The following AGMO variants were observed in gnomAD, a reference collection of about 807,000 sequenced individuals.
The protein encoded by AGMO is glyceryl-ether monooxygenase.
AGMO carries 75 observed loss-of-function variants against 60.2 expected under a neutral mutation model. The observed-to-expected ratio is 1.25, with a 90% CI of 1.03 to 1.51. AGMO has a LOEUF of 1.51. Among genes scored for constraint, AGMO ranks in the 40% most tolerant of loss-of-function variants. The probability of loss-of-function intolerance (pLI) is 0.00; values close to 1 mark genes in which losing one functional copy is unlikely to be tolerated. For missense variants in AGMO, 763 were observed against 525.5 expected, an observed-to-expected ratio of 1.45 and a Z score of -4.42; for synonymous variants, 261 against 177.1, an observed-to-expected ratio of 1.47 and a Z score of -3.76.
intron 12 of AGMO, among the ~76,000 whole-genome samples, chr7:15,350,714 C>A (rs1395263307): frequency 1.3e-5 from 2 of 152,142 alleles, no homozygotes; most frequent in African/African-American, 4.8e-5. Context: ...AAGGAATGAA[C>A]AAATTAGTCA....
the AGMO span, among the ~76,000 whole-genome samples, chr7:15,158,980 T>C: frequency 6.6e-6 from 1 of 152,006 alleles, no homozygotes; most frequent in East Asian, 1.9e-4. Flanking sequence ...GGGTGAGGGG[T>C]AGATAAAACT....
intron 5 of AGMO, among the ~76,000 whole-genome samples, chr7:15,411,990 T>A (rs1199751132): frequency 6.6e-6 from 1 of 152,144 alleles, no homozygotes; most frequent in Non-Finnish European, 1.5e-5. Context: ...ATTATCTGTG[T>A]CCTCAGAAGT....
At chr7:15,195,732 G>T (rs1781101442), downstream of AGMO, among the ~76,000 whole-genome samples, 2 of 152,104 alleles carry the variant, frequency 1.3e-5, no homozygotes, top group South Asian at 4.1e-4. Flanking sequence ...TGTTAGAAAA[G>T]AAAATGATTT....
intron 12 of AGMO, among the ~76,000 whole-genome samples, chr7:15,217,077 G>A (rs954749990): frequency 1.3e-5 from 2 of 152,022 alleles, no homozygotes; most frequent in Non-Finnish European, 2.9e-5. Context: ...TATGGAAAAC[G>A]AGAAGGTGAG....
intron 12 of AGMO, among the ~76,000 whole-genome samples, chr7:15,202,271 CA>C (rs1781310244): frequency 6.6e-6 from 1 of 151,688 alleles, no homozygotes; most frequent in Non-Finnish European, 1.5e-5. Context: ...CTGAAATATA[CA>C]AAGAGAGAAC....
At chr7:15,340,832 C>T (rs967390394) in intron 12 of AGMO, among the ~76,000 whole-genome samples, 1 of 150,510 alleles carries the variant, frequency 6.6e-6, no homozygotes, top group Non-Finnish European at 1.5e-5. Context: ...TGCCCCCACA[C>T]AGAGTCCCCA....
chr7:15,233,250 TTAAAATCTG>T (rs1782311000), intron 12 of AGMO, among the ~76,000 whole-genome samples: 1 of 152,202 alleles, frequency 6.6e-6, no homozygotes, highest in African/African-American at 2.4e-5. Flanking sequence ...GAAAAGCATG[TTAAAATCTG>T]TAAGGTATCG....
intron 12 of AGMO, among the ~76,000 whole-genome samples, chr7:15,244,697 G>A (rs1196851711): frequency 6.6e-6 from 1 of 152,056 alleles, no homozygotes; most frequent in Non-Finnish European, 1.5e-5. Context: ...TGTCGCCCAG[G>A]CTGGAGTGCA....
rs548557700 is a variant in AGMO, at chr7:15,486,545, G to A, written c.410-55437C>T. ...TCCACAGCTTAGATTTTGTAAAAAA[G>A]AAAATTTAAATGTAAGCAAACTGAC... On this transcript the variant is annotated intron_variant, in intron 3 of 12. Coordinates refer to ENST00000342526, the MANE Select transcript of AGMO (RefSeq NM_001004320.2). Among the ~76,000 whole-genome samples, 360 of 152,002 alleles carry A rather than the reference G, an allele frequency of 2.4e-3. 2 individuals carry two copies. The highest frequency in any genetic ancestry group is 8.0e-3 in the African/African-American group (333 of 41,460).
chr7:15,223,631 A>T (rs995514253), intron 12 of AGMO, among the ~76,000 whole-genome samples: 1 of 151,980 alleles, frequency 6.6e-6, no homozygotes, highest in Non-Finnish European at 1.5e-5. Flanking sequence ...TATAAGAATT[A>T]TTGGAGTTAT....
the AGMO span, among the ~76,000 whole-genome samples, chr7:15,176,338 A>C: frequency 6.6e-6 from 1 of 151,846 alleles, no homozygotes; most frequent in Non-Finnish European, 1.5e-5. Context: ...CCGATCTACA[A>C]CTGACTCAGT....
chr7:15,386,334 A>G (rs1317134108), intron 9 of AGMO, among the ~76,000 whole-genome samples: 1 of 152,196 alleles, frequency 6.6e-6, no homozygotes, highest in East Asian at 1.9e-4. Context: ...TCTAGCATTT[A>G]AGTTTCCCCA....
At chr7:15,228,724 T>C (rs893138967) in intron 12 of AGMO, among the ~76,000 whole-genome samples, 1 of 152,180 alleles carries the variant, frequency 6.6e-6, no homozygotes, top group Admixed American at 6.6e-5. Context: ...ATAGTAGTTA[T>C]CTGCCAAAGC....
At chr7:15,234,452 A>G (rs978503359) in intron 12 of AGMO, among the ~76,000 whole-genome samples, 4 of 152,326 alleles carry the variant, frequency 2.6e-5, no homozygotes, top group South Asian at 2.1e-4. Context: ...CTACATGCAA[A>G]CTAGTTTCAA....
intron 4 of AGMO, among the ~76,000 whole-genome samples, chr7:15,429,695 A>G (rs1266797833): frequency 2.0e-5 from 3 of 152,000 alleles, no homozygotes; most frequent in South Asian, 2.1e-4. Flanking sequence ...CAGGAAATGT[A>G]TTAGTAACAT....
intron 3 of AGMO, among the ~76,000 whole-genome samples, chr7:15,462,827 G>A (rs1562519917): frequency 6.6e-6 from 1 of 152,108 alleles, no homozygotes; most frequent in Non-Finnish European, 1.5e-5. Context: ...AAAGAAAAAT[G>A]AGTCAGTGAA....
chr7:15,352,688 T>C (rs1013914558), intron 12 of AGMO, among the ~76,000 whole-genome samples: 2 of 151,856 alleles, frequency 1.3e-5, no homozygotes, highest in Non-Finnish European at 2.9e-5. Flanking sequence ...AATGAGTCCC[T>C]GTCATGTACT....
chr7:15,523,064 T>C (rs759728371), intron 3 of AGMO, among the ~76,000 whole-genome samples: 6 of 152,186 alleles, frequency 3.9e-5, no homozygotes, highest in South Asian at 4.1e-4. Flanking sequence ...AAAGAAGACA[T>C]TTATGCGGCC....
chr7:15,455,675 A>G (rs994949411), intron 3 of AGMO, among the ~76,000 whole-genome samples: 8 of 152,128 alleles, frequency 5.3e-5, no homozygotes, highest in Non-Finnish European at 1.2e-4. Flanking sequence ...TTATTTAAGT[A>G]TATAATTTCA....
Sources: gnomAD v4.1 joint callset for allele counts (sites outside exome capture counted in the v4.1 genomes callset) on GRCh38, gnomAD v4.1.1 for gene constraint, MANE v1.5 for transcripts, NCBI Gene and HGNC (gene_info 2026-07-23, HGNC 2026-07-21) for gene names.